The following ADCY5 variants were observed in gnomAD, a reference collection of about 807,000 sequenced individuals.
ADCY5 encodes the protein adenylate cyclase type 5.
ADCY5 carries 30 observed loss-of-function variants against 119.7 expected under a neutral mutation model. The ratio of observed to expected loss-of-function variants is 0.25; its 90% CI spans 0.19 to 0.34. The LOEUF is 0.34. ADCY5 is among the 10% of genes least tolerant of loss of function. The probability of loss-of-function intolerance (pLI) is 1.00; values close to 1 mark genes in which losing one functional copy is unlikely to be tolerated. For synonymous variants in ADCY5, 753 were observed against 762.2 expected (o/e 0.99, Z 0.20); for missense variants, 1,324 against 1,775.2 (o/e 0.75, Z 4.57).
chr3:123,385,293 G>GCACACACACA (rs59025602), intron 1 of ADCY5, among the ~76,000 whole-genome samples: 14 of 150,828 alleles, frequency 9.3e-5, no homozygotes, highest in Non-Finnish European at 1.6e-4. Flanking sequence ...AGACACACAC[G>GCACACACACA]CACACACACA....
Position 123,312,463 on chromosome 3 carries a change from T to G in ADCY5, c.2442+1772A>C, listed in dbSNP as rs185174971. ...TACCATTCAGTGGCATTAATCACACTCATGTTGTGCAACCAATATTGCTAT... is the reference window on the plus strand; with the variant it reads ...TACCATTCAGTGGCATTAATCACACGCATGTTGTGCAACCAATATTGCTAT... On this transcript the variant is annotated intron_variant, in intron 12 of 20. Transcript: ENST00000462833. Among the ~76,000 whole-genome samples, 535 of 152,352 alleles carry G rather than the reference T, an allele frequency of 3.5e-3. 2 individuals are homozygous for G. The highest frequency in any genetic ancestry group is 0.012 in the African/African-American group (502 of 41,582).
intron 5 of ADCY5, among the ~76,000 whole-genome samples, chr3:123,330,102 C>T (rs929157077): frequency 1.3e-5 from 2 of 152,070 alleles, no homozygotes; most frequent in Non-Finnish European, 2.9e-5. Context: ...TCTGTGCTTC[C>T]GGGGAGACTG....
chr3:123,422,706 C>G (rs2107638477), intron 1 of ADCY5, among the ~76,000 whole-genome samples: 1 of 152,344 alleles, frequency 6.6e-6, no homozygotes, highest in Admixed American at 6.5e-5. Context: ...GGACTCGCCT[C>G]CTCCCAGATC....
chr3:123,420,368 C>T (rs1200685452), intron 1 of ADCY5: 1 of 152,242 alleles, frequency 6.6e-6, no homozygotes, highest in African/African-American at 2.4e-5. Context: ...GGTAGAGATG[C>T]TCAGGCCAAA....
At chr3:123,406,453 C>T (rs1193192649) in intron 1 of ADCY5, among the ~76,000 whole-genome samples, 2 of 152,320 alleles carry the variant, frequency 1.3e-5, no homozygotes, top group East Asian at 3.9e-4. Context: ...CACACCATAC[C>T]TGAACAATAA....
chr3:123,300,159 A>G lies in ADCY5; in HGVS notation c.2861T>C (p.Leu954Pro), dbSNP rs1939758654. Residue 954 changes from leucine (L) to proline (P), a missense_variant, in exon 15 of 21, where the codon CTC (leucine) becomes CCC (proline). This residue lies in a region of ADCY5 where 424 missense variants were observed against 546.8 expected (regional missense o/e 0.78). Coordinates refer to ENST00000462833, the MANE Select transcript of ADCY5 (RefSeq NM_183357.3). ...VLIVEVPGVTLFDNADLLVTA... is the reference protein window; with the variant it reads ...VLIVEVPGVTPFDNADLLVTA... Reference sequence around the variant, plus strand: ...GACCAGCAGGTCGGCGTTGTCGAAGAGCGTGACACCTGGCACCTCCACGAT... The same window carrying G: ...GACCAGCAGGTCGGCGTTGTCGAAGGGCGTGACACCTGGCACCTCCACGAT... The G allele has an allele frequency of 6.2e-7, 1 of 1,613,848 alleles. No individual in the cohort carries two copies. Among genetic ancestry groups the G allele is most frequent in the Non-Finnish European group, 8.5e-7 (1 of 1,180,030 alleles).
At chr3:123,284,979 G>A (rs750622926) in intron 20 of ADCY5, among the ~76,000 whole-genome samples, 2 of 152,208 alleles carry the variant, frequency 1.3e-5, no homozygotes, top group Non-Finnish European at 2.9e-5. Context: ...GCACTGTGAC[G>A]GGCAGCTTGC....
intron 1 of ADCY5, among the ~76,000 whole-genome samples, chr3:123,417,143 G>T (rs1171232039): frequency 6.6e-6 from 1 of 152,022 alleles, no homozygotes; most frequent in East Asian, 1.9e-4. Flanking sequence ...AGCCAAAGGT[G>T]CATTGCAGTT....
At chr3:123,396,053 G>GGAGGGAGGGAGAGAGAGAGGGAGGGAGA (rs1162380713) in intron 1 of ADCY5, among the ~76,000 whole-genome samples, 1 of 27,482 alleles carries the variant, frequency 3.6e-5, no homozygotes, top group Non-Finnish European at 6.8e-5. Flanking sequence ...AGGGAGAGAG[G>GGAGGGAGGGAGAGAGAGAGGGAGGGAGA]GAGGGAGGGT....
At chr3:123,301,219 G>A (rs1939828575) in intron 14 of ADCY5, among the ~76,000 whole-genome samples, 1 of 152,144 alleles carries the variant, frequency 6.6e-6, no homozygotes, top group South Asian at 2.1e-4. Flanking sequence ...TTGTTTCTGA[G>A]TCAGGCTTCC....
intron 1 of ADCY5, among the ~76,000 whole-genome samples, chr3:123,400,363 AT>A (rs1257014993): frequency 1.3e-5 from 2 of 152,208 alleles, no homozygotes; most frequent in Admixed American, 1.3e-4. Context: ...TTGTACAGCA[AT>A]TTGGCAATAT....
intron 1 of ADCY5, among the ~76,000 whole-genome samples, chr3:123,387,097 G>C (rs930589014): frequency 1.3e-5 from 2 of 152,146 alleles, no homozygotes; most frequent in African/African-American, 4.8e-5. Flanking sequence ...CGGGTTCAAG[G>C]CTGCGTCCCT....
In ADCY5 at chr3:123,320,733, A is replaced by C; in HGVS notation, c.2111+16T>G. On this transcript the variant is annotated intron_variant, in intron 9 of 20. Coordinates refer to ENST00000462833, the MANE Select transcript of ADCY5 (RefSeq NM_183357.3). ...CAGACCCAGGGAGCAGGAATAAGGA[A>C]GGGCATATTACTCACTTGTCCTTGG... 2 of 1,612,430 alleles carry C rather than the reference A, an allele frequency of 1.2e-6. No individual in the cohort carries two copies. Among genetic ancestry groups the C allele is most frequent in the Non-Finnish European group, 1.7e-6 (2 of 1,178,470 alleles).
At chr3:123,376,938 T>G (rs188382914) in intron 1 of ADCY5, among the ~76,000 whole-genome samples, 87 of 152,334 alleles carry the variant, frequency 5.7e-4, no homozygotes, top group Admixed American at 2.6e-3. Flanking sequence ...AGCTGCATCC[T>G]CTGGTGTTTG....
intron 1 of ADCY5, among the ~76,000 whole-genome samples, chr3:123,445,287 AGACAGACACTCT>A (rs1945792895): frequency 6.6e-6 from 1 of 152,216 alleles, no homozygotes; most frequent in Non-Finnish European, 1.5e-5. Flanking sequence ...GAAGTCAGTC[AGACAGACACTCT>A]GTTGCTGCAA....
At chr3:123,412,083 C>T (rs1945064504) in intron 1 of ADCY5, among the ~76,000 whole-genome samples, 1 of 152,136 alleles carries the variant, frequency 6.6e-6, no homozygotes, top group Non-Finnish European at 1.5e-5. Flanking sequence ...GCCAACAAGC[C>T]CCCACTCATA....
intron 1 of ADCY5, among the ~76,000 whole-genome samples, chr3:123,442,069 C>T (rs1322028729): frequency 2.0e-5 from 3 of 151,792 alleles, no homozygotes; most frequent in African/African-American, 7.3e-5. Context: ...CATGAGCCAG[C>T]TACCCTCATC....
chr3:123,401,060 G>GCA (rs1944736726), intron 1 of ADCY5, among the ~76,000 whole-genome samples: 1 of 152,144 alleles, frequency 6.6e-6, no homozygotes, highest in Non-Finnish European at 1.5e-5. Flanking sequence ...GGACACACAT[G>GCA]TATGTCCACA....
chr3:123,411,894 T>G (rs1258647963), intron 1 of ADCY5, among the ~76,000 whole-genome samples: 4 of 152,140 alleles, frequency 2.6e-5, no homozygotes, highest in Admixed American at 6.5e-5. Context: ...ACCCATCCCC[T>G]GCCCCCGCAT....
Sources: gnomAD v4.1 joint callset for allele counts (sites outside exome capture counted in the v4.1 genomes callset) on GRCh38, gnomAD v4.1.1 for gene constraint, gnomAD v4.1.1 regional missense constraint, MANE v1.5 for transcripts, NCBI Gene and HGNC (gene_info 2026-07-23, HGNC 2026-07-21) for gene names.